Variants in MYO6 observed in about 807,000 individuals in gnomAD.
MYO6 encodes the protein unconventional myosin-VI.
MYO6 carries 74 observed loss-of-function variants against 178.7 expected under a neutral mutation model. The observed-to-expected ratio is 0.41, with a 90% CI of 0.34 to 0.50. The LOEUF is 0.50. MYO6 is among the 20% of genes least tolerant of loss of function. The pLI is 0.09. For synonymous variants in MYO6, 477 were observed against 504.6 expected (o/e 0.95, Z 0.73); for missense variants, 1,330 against 1,547.4 (o/e 0.86, Z 2.36).
chr6:75,894,621 T>C (rs1779149958), intron 28 of MYO6, among the ~76,000 whole-genome samples: 1 of 152,260 alleles, frequency 6.6e-6, no homozygotes. Context: ...CCATGGGCTA[T>C]AGCTAAATGT....
intron 30 of MYO6, among the ~76,000 whole-genome samples, chr6:75,901,419 C>G (rs1035712242): frequency 2.0e-5 from 3 of 152,158 alleles, no homozygotes; most frequent in African/African-American, 7.2e-5. Context: ...ATTTGTAGTT[C>G]TCCTTGAAGA....
At chr6:75,766,555 C>T (rs1290495403) in intron 1 of MYO6, among the ~76,000 whole-genome samples, 2 of 152,070 alleles carry the variant, frequency 1.3e-5, no homozygotes, top group Non-Finnish European at 2.9e-5. Flanking sequence ...ATAAAGTAGT[C>T]AGATGCTACT....
chr6:75,828,513 T>C, intron 3 of MYO6, 27 bp from the exon 4 acceptor site: 1 of 1,272,674 alleles, frequency 7.9e-7, no homozygotes, highest in Non-Finnish European at 1.1e-6. Context: ...TTCAATTCTC[T>C]AATGACATAT....
rs980930579 is a variant in MYO6, at chr6:75,918,111, A to T, written c.*3099A>T. ...AAAAGAACCAAAACAAACACTTTTT[A>T]GTGGCACCTGTGGATTTACAAAGGG... On this transcript the variant is annotated 3_prime_UTR_variant, in exon 35 of 35. Transcript: ENST00000369977. 3 of 152,246 alleles carry T rather than the reference A, an allele frequency of 2.0e-5. No individual in the cohort carries two copies. The highest frequency in any genetic ancestry group is 4.4e-5 in the Non-Finnish European group (3 of 68,040). 9.4% of individuals were successfully genotyped at this position (152,246 alleles called of 1,614,324 possible). A position where few individuals can be genotyped will look rare whatever the true frequency, so the allele number is the denominator to read the frequency against.
intron 28 of MYO6, chr6:75,894,809 T>C: frequency 6.6e-7 from 1 of 1,519,676 alleles, no homozygotes; most frequent in Non-Finnish European, 8.9e-7. Context: ...AAGTTACTTT[T>C]CCAGCTTGGA....
At chr6:75,798,243 C>T (rs1360485635) in intron 1 of MYO6, among the ~76,000 whole-genome samples, 1 of 152,040 alleles carries the variant, frequency 6.6e-6, no homozygotes, top group Non-Finnish European at 1.5e-5. Context: ...ATAGAGAGTC[C>T]TTTTCCTATT....
At chr6:75,840,249 C>T (rs992577222) in intron 7 of MYO6, among the ~76,000 whole-genome samples, 3 of 151,386 alleles carry the variant, frequency 2.0e-5, no homozygotes, top group Non-Finnish European at 2.9e-5. Flanking sequence ...GCAACCTCCG[C>T]CTCCCGGGTT....
chr6:75,810,697 G>A (rs1036175909), intron 1 of MYO6, among the ~76,000 whole-genome samples: 1 of 152,138 alleles, frequency 6.6e-6, no homozygotes, highest in East Asian at 1.9e-4. Flanking sequence ...ATCAGGGGTC[G>A]GGGAGTCTAT....
At chr6:75,753,992 A>G (rs1777125198) in intron 1 of MYO6, among the ~76,000 whole-genome samples, 1 of 152,208 alleles carries the variant, frequency 6.6e-6, no homozygotes, top group African/African-American at 2.4e-5. Context: ...GAAGCATAAA[A>G]AGTAAAACCT....
intron 22 of MYO6, 83 bp downstream of exon 22, chr6:75,880,203 ATTTG>A: frequency 9.8e-7 from 1 of 1,018,678 alleles, no homozygotes; most frequent in Non-Finnish European, 1.5e-6. Context: ...GTATTTAATA[ATTTG>A]TATTATTCTT....
intron 1 of MYO6, among the ~76,000 whole-genome samples, chr6:75,773,357 G>T (rs893704123): frequency 1.3e-5 from 2 of 152,204 alleles, no homozygotes; most frequent in African/African-American, 4.8e-5. Flanking sequence ...ACAAGTTAGA[G>T]AAGATTTTAG....
intron 12 of MYO6, among the ~76,000 whole-genome samples, chr6:75,856,629 G>T (rs1775739598): frequency 6.6e-6 from 1 of 151,800 alleles, no homozygotes; most frequent in African/African-American, 2.4e-5. Context: ...GTCTGTACCT[G>T]CAACATTTAA....
At chr6:75,768,216 G>T in intron 1 of MYO6, 1 of 152,044 alleles carries the variant, frequency 6.6e-6, no homozygotes. Context: ...TTTTTTACCT[G>T]TAGTTTTAGA....
Position 75,867,082 on chromosome 6 carries a change from A to G in MYO6, c.1921A>G (p.Ile641Val), listed in dbSNP as rs1554213104. ...TKQKAGKLSF[I>V]SVGNKFKTQL... ...ACAAAAAGCAGGAAAACTTAGCTTC[A>G]TCAGCGTGGGAAACAAGTTTAAGGT... Residue 641 changes from isoleucine to valine, a missense_variant, in exon 18 of 35, where the codon ATC becomes GTC. By Grantham distance (29) the Ile-to-Val change is conservative. Transcript: ENST00000369977. 2 of 1,613,696 alleles carry G rather than the reference A, an allele frequency of 1.2e-6. No individual in the cohort carries two copies. The highest frequency in any genetic ancestry group is 2.2e-5 in the South Asian group (2 of 91,010).
intron 25 of MYO6, among the ~76,000 whole-genome samples, chr6:75,888,268 T>A (rs9343326): frequency 0.13 from 19,718 of 150,544 alleles, 1,360 homozygotes; most frequent in Non-Finnish European, 0.15. Context: ...AGCGACAGAG[T>A]GAGACTACGT....
chr6:75,805,243 C>T (rs973711721), intron 1 of MYO6, among the ~76,000 whole-genome samples: 10 of 151,362 alleles, frequency 6.6e-5, no homozygotes, highest in South Asian at 2.1e-4. Flanking sequence ...AGGCTGGTCT[C>T]GAACTCCTGC....
At chr6:75,890,447 C>T (rs544964297) in intron 26 of MYO6, among the ~76,000 whole-genome samples, 182 bp downstream of exon 26, 136 of 152,218 alleles carry the variant, frequency 8.9e-4, no homozygotes, top group African/African-American at 3.1e-3. Context: ...CGGGTTCAAT[C>T]GATTTTCCTG....
intron 1 of MYO6, among the ~76,000 whole-genome samples, chr6:75,775,385 A>G (rs1766280440): frequency 6.6e-6 from 1 of 152,176 alleles, no homozygotes; most frequent in African/African-American, 2.4e-5. Flanking sequence ...GGCTTCTGGC[A>G]CTGGGGGGTT....
At chr6:75,801,104 G>T (rs1271227851) in intron 1 of MYO6, among the ~76,000 whole-genome samples, 3 of 152,176 alleles carry the variant, frequency 2.0e-5, no homozygotes, top group Non-Finnish European at 4.4e-5. Context: ...AAGACTAGAT[G>T]TATTACTTTG....
Sources: gnomAD v4.1 joint callset for allele counts (sites outside exome capture counted in the v4.1 genomes callset) on GRCh38, gnomAD v4.1.1 for gene constraint, MANE v1.5 for transcripts, NCBI Gene and HGNC (gene_info 2026-07-23, HGNC 2026-07-21) for gene names.